RNF130: variants seen among roughly 807,000 people sequenced by gnomAD.
RNF130 encodes E3 ubiquitin-protein ligase RNF130.
In RNF130, 21 loss-of-function variants were observed where a neutral mutation model predicts 44.6. The ratio of observed to expected loss-of-function variants is 0.47; its 90% confidence interval spans 0.33 to 0.68. The LOEUF (loss-of-function observed/expected upper bound fraction) is 0.68, where lower values mean the gene tolerates loss of function less well. RNF130 is among the 30% of genes least tolerant of loss of function. The probability of loss-of-function intolerance (pLI) is 0.02; values close to 1 mark genes in which losing one functional copy is unlikely to be tolerated. For missense variants in RNF130, 479 were observed against 560.6 expected (o/e 0.85, Z 1.47); for synonymous variants, 214 against 210.4 (o/e 1.02, Z -0.15).
At chr5:180,058,845 G>A (rs960076373) in intron 1 of RNF130, among the ~76,000 whole-genome samples, 3 of 152,134 alleles carry the variant, frequency 2.0e-5, no homozygotes, top group Non-Finnish European at 2.9e-5. Context: ...TACAGGCTGA[G>A]CCACTGCACC....
At chr5:180,058,724 G>C (rs574572029) in intron 1 of RNF130, among the ~76,000 whole-genome samples, 1 of 151,796 alleles carries the variant, frequency 6.6e-6, no homozygotes, top group Non-Finnish European at 1.5e-5. Context: ...CCTGGCTAAC[G>C]CTAATTTTTG....
chr5:179,988,999 A>G (rs1284367993), intron 3 of RNF130, among the ~76,000 whole-genome samples: 1 of 152,184 alleles, frequency 6.6e-6, no homozygotes, highest in African/African-American at 2.4e-5. Flanking sequence ...TTATGCTGCT[A>G]TGAGGAAATA....
chr5:180,013,657 G>A lies in RNF130; in HGVS notation c.443-346C>T, dbSNP rs144946825. Among the ~76,000 whole-genome samples the A allele has an allele frequency of 4.8e-3, 730 of 152,338 alleles. 3 individuals carry two copies. Among genetic ancestry groups the A allele is most frequent in the South Asian group, 0.023 (113 of 4,820 alleles). On this transcript the variant is annotated intron_variant, in intron 2 of 8. Coordinates refer to ENST00000521389, the MANE Select transcript of RNF130 (RefSeq NM_018434.6). ...CATAACATTATACAGCAAGAGAAGT[G>A]TATCAACATCATGGTAGATTTACAC...
chr5:179,995,605 G>A (rs1169547975), intron 3 of RNF130, among the ~76,000 whole-genome samples: 1 of 152,224 alleles, frequency 6.6e-6, no homozygotes, highest in African/African-American at 2.4e-5. Context: ...TGCATGGGAT[G>A]CATCCCAGGT....
At chr5:180,012,933 T>C (rs913180963) in intron 3 of RNF130, 128 bp downstream of exon 3, 1 of 1,082,652 alleles carries the variant, frequency 9.2e-7, no homozygotes, top group Non-Finnish European at 1.3e-6. Context: ...TTCCAACATA[T>C]TAAAATGACT....
intron 5 of RNF130, among the ~76,000 whole-genome samples, chr5:179,974,044 T>C (rs940170330): frequency 5.3e-5 from 8 of 152,070 alleles, no homozygotes; most frequent in Admixed American, 2.6e-4. Context: ...AGGGGAGGCC[T>C]CTATATTGAA....
intron 1 of RNF130, among the ~76,000 whole-genome samples, chr5:180,046,932 T>C (rs897114454): frequency 1.3e-5 from 2 of 152,166 alleles, no homozygotes; most frequent in East Asian, 1.9e-4. Flanking sequence ...TTTAACATGA[T>C]TGATGAAGGA....
intron 7 of RNF130, among the ~76,000 whole-genome samples, chr5:179,927,795 T>C (rs532868604): frequency 1.6e-4 from 24 of 152,196 alleles, no homozygotes; most frequent in Admixed American, 3.9e-4. Flanking sequence ...TTTCACCATG[T>C]TAGCCAGGAT....
In RNF130 at chr5:180,011,308, T is replaced by C. The variant is rs563673443; in HGVS notation, c.693+1753A>G. Reference sequence around the variant, plus strand: ...CCAGTTTTACAAAACCCAAAAAAGGTCTATCAATCAGATAATGTATTATAT... The same window carrying C: ...CCAGTTTTACAAAACCCAAAAAAGGCCTATCAATCAGATAATGTATTATAT... On this transcript the variant is annotated intron_variant, in intron 3 of 8. Coordinates refer to ENST00000521389, the MANE Select transcript of RNF130 (RefSeq NM_018434.6). Among the ~76,000 whole-genome samples the C allele has an allele frequency of 9.2e-5, 14 of 152,274 alleles. No homozygotes were observed. The South Asian group carries it at 2.5e-3, about 27-fold the overall frequency.
downstream of RNF130, among the ~76,000 whole-genome samples, chr5:179,950,671 T>C (rs1358320827): frequency 1.3e-5 from 2 of 152,250 alleles, no homozygotes. Context: ...TTTCGCTTCT[T>C]AGCTCTTAAC....
chr5:179,957,284 C>T (rs745537024), intron 8 of RNF130, among the ~76,000 whole-genome samples: 3 of 152,028 alleles, frequency 2.0e-5, no homozygotes, highest in Non-Finnish European at 2.9e-5. Context: ...TGCTGGCAGG[C>T]GCCTCTAGTC....
chr5:180,018,418 G>C (rs1056326826), intron 2 of RNF130, among the ~76,000 whole-genome samples: 10 of 152,182 alleles, frequency 6.6e-5, no homozygotes, highest in Non-Finnish European at 1.2e-4. Flanking sequence ...TCACAGGGCA[G>C]CAGGAGAGAG....
chr5:180,019,377 C>T (rs1763820950), intron 2 of RNF130, among the ~76,000 whole-genome samples: 2 of 143,128 alleles, frequency 1.4e-5, no homozygotes, highest in South Asian at 2.1e-4. Flanking sequence ...GAGCGAGACT[C>T]TGTCTCAAAA....
At position 179,968,173 on chromosome 5, in the gene RNF130, T is replaced by C. The variant is rs190081536; in HGVS notation, c.946-1163A>G. 8.7e-4 allele frequency among the ~76,000 whole-genome samples: 133 copies of C among 152,158 alleles called. 3 individuals are homozygous for C. The East Asian group carries it at 0.022, about 25-fold the overall frequency. On this transcript the variant is annotated intron_variant, in intron 6 of 8. Coordinates refer to ENST00000521389, the MANE Select transcript of RNF130 (RefSeq NM_018434.6). Reference sequence around the variant, plus strand: ...AGCCGGGCATGGTGGCGGGTGCCTGTACTCCCAGCTACTCGGGAGGCTGAG... The same window carrying C: ...AGCCGGGCATGGTGGCGGGTGCCTGCACTCCCAGCTACTCGGGAGGCTGAG...
At chr5:179,928,953 A>G (rs1761767957) in intron 7 of RNF130, among the ~76,000 whole-genome samples, 1 of 152,190 alleles carries the variant, frequency 6.6e-6, no homozygotes, top group African/African-American at 2.4e-5. Context: ...TTTGATGAGC[A>G]AAATTTCTTA....
chr5:180,032,242 G>A (rs1318575447), intron 2 of RNF130, among the ~76,000 whole-genome samples: 1 of 152,122 alleles, frequency 6.6e-6, no homozygotes, highest in East Asian at 1.9e-4. Flanking sequence ...TGTTTTTGGA[G>A]TTATAGGCAA....
chr5:179,974,294 T>G (rs962503421), intron 5 of RNF130, among the ~76,000 whole-genome samples: 5 of 152,146 alleles, frequency 3.3e-5, no homozygotes, highest in African/African-American at 1.2e-4. Flanking sequence ...ACGCGGCAAC[T>G]CCACTTCTGA....
At chr5:180,011,003 T>C in intron 3 of RNF130, among the ~76,000 whole-genome samples, 1 of 152,230 alleles carries the variant, frequency 6.6e-6, no homozygotes, top group Non-Finnish European at 1.5e-5. Context: ...ATACATGTTG[T>C]TACCACAAGG....
chr5:179,932,494 A>C (rs1015119853), intron 7 of RNF130, among the ~76,000 whole-genome samples: 1 of 151,758 alleles, frequency 6.6e-6, no homozygotes. Context: ...TCCTGACCTC[A>C]AATGATCCGC....
Sources: gnomAD v4.1 joint callset for allele counts (sites outside exome capture counted in the v4.1 genomes callset) on GRCh38, gnomAD v4.1.1 for gene constraint, MANE v1.5 for transcripts, NCBI Gene and HGNC (gene_info 2026-07-23, HGNC 2026-07-21) for gene names.